PPFIBP2: variants seen among roughly 807,000 people sequenced by gnomAD.
PPFIBP2 encodes PPFIB scaffold protein 2, also known as liprin-beta-2.
A neutral mutation model predicts 118.3 loss-of-function variants in PPFIBP2; 118 were observed. The observed-to-expected ratio is 1.00, with a 90% CI of 0.86 to 1.16. The LOEUF is 1.16. Ranked by LOEUF, PPFIBP2 falls within the 50% of genes most tolerant of loss-of-function variation. The probability of loss-of-function intolerance (pLI) is 0.00; values close to 1 mark genes in which losing one functional copy is unlikely to be tolerated. For synonymous variants in PPFIBP2, 414 were observed against 397.4 expected (o/e 1.04, Z -0.50); for missense variants, 1,195 against 1,073.1 (o/e 1.11, Z -1.59).
chr11:7,574,605 T>A (rs1298360259), intron 3 of PPFIBP2, among the ~76,000 whole-genome samples: 1 of 152,168 alleles, frequency 6.6e-6, no homozygotes, highest in African/African-American at 2.4e-5. Context: ...CATCTGTAAA[T>A]CAAGTGAGGT....
At chr11:7,537,772 C>G (rs1370803725) in intron 1 of PPFIBP2, among the ~76,000 whole-genome samples, 1 of 152,140 alleles carries the variant, frequency 6.6e-6, no homozygotes, top group African/African-American at 2.4e-5. Flanking sequence ...CTCCCCATCT[C>G]AATTCTTCCC....
At chr11:7,651,928 C>G (rs1226603700) in intron 23 of PPFIBP2, 84 bp downstream of exon 23, 1 of 1,303,886 alleles carries the variant, frequency 7.7e-7, no homozygotes. Flanking sequence ...TGCCCACAGC[C>G]AGAGCAGCAT....
chr11:7,640,024 TCC>T (rs55732380), intron 15 of PPFIBP2, among the ~76,000 whole-genome samples, 154 bp downstream of exon 15: 145,861 of 152,110 alleles, frequency 0.96, 69,968 homozygotes, highest in East Asian at 1. Context: ...TGGTCCCACC[TCC>T]CCAGAGGCTC....
Position 7,645,026 on chromosome 11 carries a change from C to CAA in PPFIBP2, c.1646+2632_1646+2633dup, listed in dbSNP as rs57087700. Among the ~76,000 whole-genome samples, 198 of 81,810 alleles carry CAA rather than the reference C, an allele frequency of 2.4e-3. 1 individual carries two copies. Among genetic ancestry groups the CAA allele is most frequent in the East Asian group, 0.011 (19 of 1,696 alleles). 53.7% of individuals were successfully genotyped at this position (81,810 alleles called of 152,430 possible). ...TGGGCGACAGAGCAAGACTCCGTCT[C>CAA]AAAAAAAAAAAAAAAAAAAAAAAAA... On this transcript the variant is annotated intron_variant, in intron 17 of 23. Coordinates refer to ENST00000299492, the MANE Select transcript of PPFIBP2 (RefSeq NM_003621.5).
intron 22 of PPFIBP2, chr11:7,651,290 C>T (rs1010556935): frequency 6.0e-6 from 2 of 333,450 alleles, no homozygotes; most frequent in South Asian, 6.3e-5. Flanking sequence ...AATGCAGCTT[C>T]CCACTTGCTG....
intron 1 of PPFIBP2, among the ~76,000 whole-genome samples, chr11:7,543,817 G>C (rs867019771): frequency 1.3e-5 from 2 of 152,208 alleles, no homozygotes; most frequent in African/African-American, 4.8e-5. Context: ...GAACATACCA[G>C]ATGATGGGGT....
chr11:7,648,706 C>A, intron 18 of PPFIBP2, 94 bp from the exon 19 acceptor site: 1 of 1,424,832 alleles, frequency 7.0e-7, no homozygotes, highest in Non-Finnish European at 9.9e-7. Context: ...AGATACACTG[C>A]CATACTCAGA....
intron 1 of PPFIBP2, among the ~76,000 whole-genome samples, chr11:7,525,452 G>C (rs1352678534): frequency 6.6e-6 from 1 of 152,102 alleles, no homozygotes; most frequent in Admixed American, 6.5e-5. Context: ...TCATCCAGAG[G>C]GCTTATCCTG....
intron 2 of PPFIBP2, among the ~76,000 whole-genome samples, chr11:7,565,145 G>C (rs1854808832): frequency 6.6e-6 from 1 of 152,202 alleles, no homozygotes; most frequent in Non-Finnish European, 1.5e-5. Flanking sequence ...CAGTCCCAAA[G>C]GGTACAGTCA....
intron 16 of PPFIBP2, 185 bp from the exon 17 acceptor site, chr11:7,642,113 T>C: frequency 3.1e-6 from 2 of 640,720 alleles, no homozygotes; most frequent in South Asian, 5.4e-5. Flanking sequence ...AGGATCCGAA[T>C]TGAGGCTTGA....
chr11:7,548,270 T>A (rs1475108404), intron 1 of PPFIBP2: 1 of 152,210 alleles, frequency 6.6e-6, no homozygotes, highest in African/African-American at 2.4e-5. Context: ...GAGATCCTTA[T>A]CCACACCATC....
chr11:7,608,020 A>T (rs984927272), intron 5 of PPFIBP2, among the ~76,000 whole-genome samples: 1 of 152,080 alleles, frequency 6.6e-6, no homozygotes, highest in African/African-American at 2.4e-5. Flanking sequence ...GGTGTGGGGG[A>T]TGATTACATC....
At chr11:7,635,013 G>A (rs11604112) in intron 13 of PPFIBP2, among the ~76,000 whole-genome samples, 3 of 152,046 alleles carry the variant, frequency 2.0e-5, no homozygotes, top group African/African-American at 7.2e-5. Flanking sequence ...TCGTCAGGAT[G>A]TTGGAGAGTG....
intron 2 of PPFIBP2, among the ~76,000 whole-genome samples, chr11:7,556,573 T>G (rs889016474): frequency 1.3e-5 from 2 of 152,274 alleles, no homozygotes; most frequent in African/African-American, 4.8e-5. Flanking sequence ...TTTTTTCAGT[T>G]GATAGCATTT....
At chr11:7,569,846 GCCT>G (rs1249297995) in intron 3 of PPFIBP2, among the ~76,000 whole-genome samples, 1 of 152,212 alleles carries the variant, frequency 6.6e-6, no homozygotes, top group Non-Finnish European at 1.5e-5. Context: ...AAAAGGGGCA[GCCT>G]CCTCCTTCTC....
In PPFIBP2 at chr11:7,635,491, T is replaced by C. The variant is rs1045204154; in HGVS notation, c.1195-61T>C. On this transcript the variant is annotated intron_variant, in intron 13 of 23. Coordinates refer to ENST00000299492, the MANE Select transcript of PPFIBP2 (RefSeq NM_003621.5). Reference sequence around the variant, plus strand: ...AACAGGTAGTCCTGAGTTGTTGCTGTTTGTGAATAACACAAGTCTCTTTTT... The same window carrying C: ...AACAGGTAGTCCTGAGTTGTTGCTGCTTGTGAATAACACAAGTCTCTTTTT... 2.6e-6 allele frequency: 4 copies of C among 1,512,362 alleles called. No homozygotes were observed. The African/African-American group carries it at 5.5e-5, about 21-fold the overall frequency. The allele number at this position is 1,512,362 out of a possible 1,614,324, so 93.7% of individuals were successfully genotyped here. A position where few individuals can be genotyped will look rare whatever the true frequency, so the allele number is the denominator to read the frequency against.
intron 3 of PPFIBP2, among the ~76,000 whole-genome samples, chr11:7,581,777 C>T (rs1774702814): frequency 1.3e-5 from 2 of 151,702 alleles, no homozygotes; most frequent in African/African-American, 2.4e-5. Flanking sequence ...TTTAACCTTC[C>T]TAGAATTCAA....
intron 1 of PPFIBP2, among the ~76,000 whole-genome samples, chr11:7,515,024 G>T (rs1027096627): frequency 3.9e-5 from 6 of 152,088 alleles, no homozygotes; most frequent in Non-Finnish European, 8.8e-5. Context: ...AGTGTATTAT[G>T]TGAAGTTAAA....
At chr11:7,562,651 T>C (rs978579791) in intron 2 of PPFIBP2, among the ~76,000 whole-genome samples, 5 of 152,080 alleles carry the variant, frequency 3.3e-5, no homozygotes, top group Admixed American at 6.6e-5. Context: ...TTTGTATAGA[T>C]GTTTATTCAA....
Sources: allele counts gnomAD v4.1 joint callset (sites outside exome capture counted in the v4.1 genomes callset), GRCh38; gene constraint gnomAD v4.1.1; transcripts MANE v1.5; gene names NCBI Gene and HGNC (gene_info 2026-07-23, HGNC 2026-07-21).